NEBL: variants seen among roughly 807,000 people sequenced by gnomAD.
NEBL encodes LIM and SH3 protein 2.
NEBL carries 122 observed loss-of-function variants against 140.2 expected under a neutral mutation model. The observed-to-expected ratio is 0.87, with a 90% confidence interval of 0.75 to 1.01. The LOEUF (loss-of-function observed/expected upper bound fraction) is 1.01. Among genes scored for constraint, NEBL ranks in the 50% least tolerant of loss-of-function variants. The pLI is 0.00. For missense variants in NEBL, 1,365 were observed against 1,231.3 expected (o/e 1.11, Z -1.62); for synonymous variants, 436 against 398.9 (o/e 1.09, Z -1.11).
intron 19 of NEBL, among the ~76,000 whole-genome samples, chr10:20,822,586 T>C (rs529035073): frequency 4.8e-4 from 72 of 151,264 alleles, no homozygotes; most frequent in African/African-American, 1.6e-3. Context: ...ATACAGACTA[T>C]CTAATATAGA....
intron 1 of NEBL, among the ~76,000 whole-genome samples, chr10:21,260,533 T>C (rs192231635): frequency 1.0e-3 from 157 of 152,320 alleles, no homozygotes; most frequent in Middle Eastern, 3.4e-3. Flanking sequence ...CTGCCCTTGA[T>C]TGTGTGTTCA....
At chr10:20,796,134 C>T (rs938331146) in intron 26 of NEBL, among the ~76,000 whole-genome samples, 25 of 151,982 alleles carry the variant, frequency 1.6e-4, no homozygotes, top group Non-Finnish European at 5.9e-5. Context: ...GAGGCTGAGG[C>T]GGGCGGATCA....
chr10:20,902,017 T>C (rs868085055), upstream of NEBL, among the ~76,000 whole-genome samples: 8 of 152,336 alleles, frequency 5.3e-5, no homozygotes, highest in African/African-American at 1.4e-4. Flanking sequence ...TTTCTCCTTT[T>C]TAATAGCTAT....
chr10:21,247,582 G>C (rs1487505415), intron 3 of NEBL, among the ~76,000 whole-genome samples: 2 of 152,100 alleles, frequency 1.3e-5, no homozygotes, highest in Non-Finnish European at 2.9e-5. Context: ...TGGCTGGTCT[G>C]CTTCATCCTC....
intron 2 of NEBL, among the ~76,000 whole-genome samples, chr10:21,034,597 G>C (rs913923282): frequency 1.3e-5 from 2 of 152,176 alleles, no homozygotes; most frequent in African/African-American, 4.8e-5. Context: ...AATTTCAACA[G>C]ACTAATATCT....
intron 3 of NEBL, among the ~76,000 whole-genome samples, chr10:21,210,397 A>AAAAG (rs1022490899): frequency 3.9e-4 from 60 of 152,360 alleles, no homozygotes; most frequent in Non-Finnish European, 6.9e-4. Flanking sequence ...TGTCTCAAAA[A>AAAAG]AAAGAAAGAA....
intron 1 of NEBL, among the ~76,000 whole-genome samples, chr10:21,284,858 G>T (rs1304487409): frequency 6.6e-6 from 1 of 152,142 alleles, no homozygotes; most frequent in African/African-American, 2.4e-5. Context: ...ATTAGATCAT[G>T]ATTTTTTACA....
At chr10:21,117,097 C>G (rs754156045) in intron 2 of NEBL, among the ~76,000 whole-genome samples, 1 of 152,096 alleles carries the variant, frequency 6.6e-6, no homozygotes, top group African/African-American at 2.4e-5. Flanking sequence ...TGGATACAAC[C>G]TGTTCCTTCC....
intron 3 of NEBL, among the ~76,000 whole-genome samples, chr10:21,018,757 G>A (rs1442291514): frequency 2.0e-5 from 3 of 152,128 alleles, no homozygotes; most frequent in Non-Finnish European, 2.9e-5. Flanking sequence ...CAGGCCGGGC[G>A]CAGTGGCTCA....
chr10:21,050,427 C>T (rs1312375799), intron 2 of NEBL, among the ~76,000 whole-genome samples: 1 of 151,940 alleles, frequency 6.6e-6, no homozygotes, highest in African/African-American at 2.4e-5. Context: ...AATTCAAAGA[C>T]ATTAAATATT....
intron 3 of NEBL, among the ~76,000 whole-genome samples, chr10:21,008,128 C>CGT (rs904531580): frequency 6.6e-6 from 1 of 151,920 alleles, no homozygotes; most frequent in Non-Finnish European, 1.5e-5. Flanking sequence ...TTATTATATA[C>CGT]GTGTGTGTGT....
rs1044558959 is a variant in NEBL at position 20,850,320 on chromosome 10, G to T, written c.1116+75C>A. 7 of 1,214,862 alleles carry T rather than the reference G, an allele frequency of 5.8e-6. No homozygotes were observed. In the African/African-American group the frequency reaches 7.4e-5, roughly 13 times the overall value. 75.3% of individuals were successfully genotyped at this position (1,214,862 alleles called of 1,614,324 possible). A position where few individuals can be genotyped will look rare whatever the true frequency, so the allele number is the denominator to read the frequency against. On this transcript the variant is annotated intron_variant, in intron 11 of 27. Coordinates refer to ENST00000377122, the MANE Select transcript of NEBL (RefSeq NM_006393.3). ...CAGCACTCTTCCTTCCAGACCCACT[G>T]AACATTCTGCGTCCTTTCAAATGAC...
rs1448794300 is a variant in NEBL, at chr10:20,850,464, C to A, written c.1047G>T (p.Lys349Asn). 2 of 1,611,522 alleles carry A rather than the reference C, an allele frequency of 1.2e-6. No individual in the cohort carries two copies. The highest frequency in any genetic ancestry group is 1.7e-6 in the Non-Finnish European group (2 of 1,177,756). The stretch of plus-strand genomic sequence containing the variant: ...GTGTCTCAACAAATTCAAGCATTGG[C>A]TTTCCCTTATTTTTCTCATATTCTT... ...YKEEYEKNKGKPMLEFVETPS... is the reference protein window; with the variant it reads ...YKEEYEKNKGNPMLEFVETPS... The change falls in exon 11 of 28, where the codon AAG becomes AAT. Residue 349 changes from lysine to asparagine, a missense_variant. Physicochemically the swap from Lys to Asn is moderately conservative, Grantham distance 94 (BLOSUM62 0). Around this residue, in one of 2 missense-constraint regions of NEBL, gnomAD observed 1,323 missense variants for 1,154.8 expected, o/e 1.15. Transcript: ENST00000377122.
chr10:21,241,713 GA>G (rs1204352216), intron 3 of NEBL, among the ~76,000 whole-genome samples: 3 of 151,952 alleles, frequency 2.0e-5, no homozygotes, highest in African/African-American at 4.8e-5. Context: ...TGCCTATACG[GA>G]AACCAGGCCA....
intron 2 of NEBL, among the ~76,000 whole-genome samples, chr10:21,078,248 A>G (rs1589213222): frequency 6.6e-6 from 1 of 152,292 alleles, no homozygotes; most frequent in South Asian, 2.1e-4. Flanking sequence ...AATGAAATGG[A>G]TTTTTCTGTA....
chr10:21,243,413 TCTC>T (rs969670117), intron 3 of NEBL, among the ~76,000 whole-genome samples: 9 of 151,332 alleles, frequency 5.9e-5, no homozygotes, highest in African/African-American at 2.2e-4. Flanking sequence ...TTCAAGCAAT[TCTC>T]CTGCCTCAGC....
intron 2 of NEBL, among the ~76,000 whole-genome samples, chr10:21,081,912 C>A (rs1169703102): frequency 1.3e-5 from 2 of 152,050 alleles, no homozygotes; most frequent in Admixed American, 1.3e-4. Context: ...AAATTGAAGT[C>A]TATACCAATA....
intron 5 of NEBL, among the ~76,000 whole-genome samples, chr10:20,870,313 G>A (rs1266251042): frequency 7.4e-6 from 1 of 135,452 alleles, no homozygotes; most frequent in Non-Finnish European, 1.6e-5. Context: ...GCAAAAGAGT[G>A]GGACTTTATC....
intron 3 of NEBL, among the ~76,000 whole-genome samples, chr10:21,227,714 CTTCTTCTTCT>C: frequency 1.5e-5 from 1 of 64,598 alleles, no homozygotes; most frequent in Non-Finnish European, 3.1e-5. Flanking sequence ...CTTCTTCTTT[CTTCTTCTTCT>C]TCTTCTTCTT....
Sources: gnomAD v4.1 joint callset for allele counts (sites outside exome capture counted in the v4.1 genomes callset) on GRCh38, gnomAD v4.1.1 for gene constraint, gnomAD v4.1.1 regional missense constraint, MANE v1.5 for transcripts, NCBI Gene and HGNC (gene_info 2026-07-23, HGNC 2026-07-21) for gene names.